The following COL24A1 variants were observed in gnomAD, a reference collection of about 807,000 sequenced individuals.
COL24A1 encodes collagen type XXIV alpha 1 chain.
Under a neutral mutation model 253.9 loss-of-function variants are expected in COL24A1, and 224 were observed. The ratio of observed to expected loss-of-function variants is 0.88; its 90% CI spans 0.79 to 0.99. The LOEUF is 0.99. Ranked by LOEUF, COL24A1 falls within the 50% of genes least tolerant of loss-of-function variation. The pLI is 0.00. For synonymous variants in COL24A1, 685 were observed against 673.7 expected (o/e 1.02, Z -0.26); for missense variants, 2,131 against 2,068.5 (o/e 1.03, Z -0.59).
At chr1:85,955,414 G>C (rs1049833047) in intron 24 of COL24A1, among the ~76,000 whole-genome samples, 2 of 152,216 alleles carry the variant, frequency 1.3e-5, no homozygotes, top group African/African-American at 4.8e-5. Context: ...CTGTCTTTGC[G>C]ATAAGGCAGA....
chr1:86,034,927 A>G (rs1007709278), intron 12 of COL24A1, among the ~76,000 whole-genome samples: 2 of 152,130 alleles, frequency 1.3e-5, no homozygotes, highest in African/African-American at 4.8e-5. Context: ...ATTCATTTAC[A>G]AAAACTAGGA....
At chr1:86,072,080 C>T (rs987816410) in intron 7 of COL24A1, among the ~76,000 whole-genome samples, 3 of 152,138 alleles carry the variant, frequency 2.0e-5, no homozygotes, top group Admixed American at 6.5e-5. Context: ...CAAAACTGGG[C>T]GGCCATTTGG....
rs145026742 is a variant in COL24A1, at chr1:85,747,404, G to A, written c.4438-1898C>T. Among the ~76,000 whole-genome samples, 1,404 of 152,018 alleles carry A rather than the reference G, an allele frequency of 9.2e-3. 57 individuals carry two copies. The highest frequency in any genetic ancestry group is 0.062 in the Admixed American group (949 of 15,262). ...GCTGGGATTACAGGTATGAGCCACC[G>A]TGCCCGGCCAACTTTTGATATTGAC... On this transcript the variant is annotated intron_variant, in intron 55 of 59. Transcript: ENST00000370571.
At chr1:86,099,674 T>C (rs917916701) in intron 5 of COL24A1, among the ~76,000 whole-genome samples, 1 of 152,144 alleles carries the variant, frequency 6.6e-6, no homozygotes, top group Non-Finnish European at 1.5e-5. Context: ...ATTCAAAATG[T>C]ATCTAGATTG....
rs192300139 is a variant in COL24A1, at chr1:85,918,699, A to G, written c.2563-7266T>C. Among the ~76,000 whole-genome samples the G allele has an allele frequency of 7.8e-3, 1,187 of 152,350 alleles. 11 individuals carry two copies. The highest frequency in any genetic ancestry group is 0.012 in the Non-Finnish European group (848 of 68,034). On this transcript the variant is annotated intron_variant, in intron 24 of 59. Transcript: ENST00000370571. Reference sequence around the variant, plus strand: ...GCTGAGGTCTGCCAAATTTCATGGAATCTAAGATATCATGGATTGTAAGAT... The same window carrying G: ...GCTGAGGTCTGCCAAATTTCATGGAGTCTAAGATATCATGGATTGTAAGAT...
chr1:85,832,432 CT>C (rs1204270979), intron 43 of COL24A1, among the ~76,000 whole-genome samples: 1 of 151,656 alleles, frequency 6.6e-6, no homozygotes, highest in African/African-American at 2.4e-5. Flanking sequence ...TCCATATGAA[CT>C]TTAAAGTAGT....
At chr1:86,150,433 T>G (rs186960250) in intron 1 of COL24A1, among the ~76,000 whole-genome samples, 54 of 152,322 alleles carry the variant, frequency 3.5e-4, no homozygotes, top group African/African-American at 1.3e-3. Flanking sequence ...ATTCACTTTT[T>G]CCTTATGGAC....
At chr1:86,146,242 A>G in intron 1 of COL24A1, 59 bp from the exon 2 acceptor site, 1 of 1,338,504 alleles carries the variant, frequency 7.5e-7, no homozygotes, top group Non-Finnish European at 1.1e-6. Flanking sequence ...ACAACCATAT[A>G]GAATCCAAAA....
chr1:85,954,149 A>T (rs1377881329), intron 24 of COL24A1, among the ~76,000 whole-genome samples: 2 of 152,172 alleles, frequency 1.3e-5, no homozygotes, highest in Non-Finnish European at 2.9e-5. Context: ...TTAATATGGC[A>T]CGTATAATAA....
At chr1:86,110,457 C>T (rs988815008) in intron 5 of COL24A1, among the ~76,000 whole-genome samples, 11 of 152,206 alleles carry the variant, frequency 7.2e-5, no homozygotes, top group African/African-American at 2.2e-4. Context: ...CCACTCTGGC[C>T]GCGCTTGAGG....
chr1:85,926,396 T>C (rs1687223837), intron 24 of COL24A1, among the ~76,000 whole-genome samples: 2 of 152,126 alleles, frequency 1.3e-5, no homozygotes, highest in African/African-American at 2.4e-5. Context: ...TGCGGCACAA[T>C]AGCCAAAACT....
intron 35 of COL24A1, among the ~76,000 whole-genome samples, chr1:85,873,076 A>T (rs1680720928): frequency 6.6e-6 from 1 of 152,238 alleles, no homozygotes; most frequent in African/African-American, 2.4e-5. Context: ...CAACAGACAC[A>T]TGAAAAAATG....
At chr1:85,922,382 T>G (rs935382530) in intron 24 of COL24A1, among the ~76,000 whole-genome samples, 1 of 152,036 alleles carries the variant, frequency 6.6e-6, no homozygotes, top group Admixed American at 6.6e-5. Flanking sequence ...TCACCAAGGT[T>G]GAAATGAAGG....
intron 52 of COL24A1, among the ~76,000 whole-genome samples, chr1:85,780,643 C>G (rs1669049279): frequency 6.6e-6 from 1 of 152,174 alleles, no homozygotes; most frequent in African/African-American, 2.4e-5. Context: ...TCATCTGTCT[C>G]CTCATCTGTT....
intron 24 of COL24A1, among the ~76,000 whole-genome samples, chr1:85,955,712 T>G (rs1049536110): frequency 6.6e-6 from 1 of 152,190 alleles, no homozygotes; most frequent in African/African-American, 2.4e-5. Flanking sequence ...AAATTGGAAA[T>G]AAAATAAAAC....
At chr1:86,134,019 A>C (rs1392135638) in intron 2 of COL24A1, among the ~76,000 whole-genome samples, 1 of 152,022 alleles carries the variant, frequency 6.6e-6, no homozygotes, top group Non-Finnish European at 1.5e-5. Context: ...TATTGCCTCA[A>C]TTTCAGAGCC....
At chr1:86,092,711 T>C (rs535900534) in intron 5 of COL24A1, among the ~76,000 whole-genome samples, 1 of 152,046 alleles carries the variant, frequency 6.6e-6, no homozygotes, top group East Asian at 1.9e-4. Flanking sequence ...ATAATAATCC[T>C]TAAAATTCTA....
intron 7 of COL24A1, among the ~76,000 whole-genome samples, chr1:86,066,625 CAA>C (rs1299025702): frequency 6.6e-6 from 1 of 152,046 alleles, no homozygotes; most frequent in Non-Finnish European, 1.5e-5. Context: ...CTGATAATAA[CAA>C]TGAACAGATC....
At chr1:86,049,560 A>G (rs1700154110) in intron 11 of COL24A1, among the ~76,000 whole-genome samples, 1 of 152,184 alleles carries the variant, frequency 6.6e-6, no homozygotes, top group Non-Finnish European at 1.5e-5. Context: ...AAATTACTGC[A>G]TACAGATTGC....
Sources: gnomAD v4.1 joint callset for allele counts (sites outside exome capture counted in the v4.1 genomes callset) on GRCh38, gnomAD v4.1.1 for gene constraint, MANE v1.5 for transcripts, NCBI Gene and HGNC (gene_info 2026-07-23, HGNC 2026-07-21) for gene names.